ROBO2: variants seen among roughly 807,000 people sequenced by gnomAD.
ROBO2 encodes roundabout guidance receptor 2, also known as roundabout homolog 2.
Under a neutral mutation model 160.8 loss-of-function variants are expected in ROBO2, and 53 were observed. That is an observed-to-expected ratio of 0.33 (90% CI 0.26 to 0.41). The LOEUF (loss-of-function observed/expected upper bound fraction) is 0.41, where lower values mean the gene tolerates loss of function less well. ROBO2 is among the 10% of genes least tolerant of loss of function. The pLI is 1.00. For synonymous variants in ROBO2, 664 were observed against 611.7 expected (o/e 1.09, Z -1.26); for missense variants, 1,577 against 1,722.4 (o/e 0.92, Z 1.49).
In ROBO2 at chr3:76,098,555, TAAATC is replaced by T. The variant is rs199706606; in HGVS notation, c.109+160958_109+160962del. On this transcript the variant is annotated intron_variant, in intron 2 of 26. Coordinates refer to the ROBO2 transcript ENST00000487694. ...GATCATTAGTCTTTCTGATAAAAGATAAATCAAATAAATATGAAAAAATAACAATT... is the reference window on the plus strand; with the variant it reads ...GATCATTAGTCTTTCTGATAAAAGATAAATAAATATGAAAAAATAACAATT... Among the ~76,000 whole-genome samples, 21 of 102,080 alleles carry T rather than the reference TAAATC, an allele frequency of 2.1e-4. No individual in the cohort carries two copies. In the East Asian group the frequency reaches 2.5e-3, roughly 12 times the overall value. 67.0% of individuals were successfully genotyped at this position (102,080 alleles called of 152,430 possible).
intron 2 of ROBO2, among the ~76,000 whole-genome samples, chr3:75,938,678 G>T (rs1309848387): frequency 6.6e-6 from 1 of 152,040 alleles, no homozygotes; most frequent in Non-Finnish European, 1.5e-5. Context: ...TTCAAAAAGA[G>T]CAGTTTTCTT....
chr3:76,748,056 A>G (rs1468827295), intron 2 of ROBO2, among the ~76,000 whole-genome samples: 1 of 152,004 alleles, frequency 6.6e-6, no homozygotes, highest in Non-Finnish European at 1.5e-5. Context: ...TCATCTACAC[A>G]GGTTGCTAAG....
chr3:77,552,131 T>C (rs2092941994), intron 8 of ROBO2, among the ~76,000 whole-genome samples: 1 of 151,962 alleles, frequency 6.6e-6, no homozygotes, highest in African/African-American at 2.4e-5. Flanking sequence ...CATATTTCTT[T>C]AAAAGAATAA....
chr3:76,543,367 C>T (rs533471524), intron 2 of ROBO2, among the ~76,000 whole-genome samples: 2 of 152,218 alleles, frequency 1.3e-5, no homozygotes, highest in East Asian at 3.9e-4. Context: ...AAGGAAGAGA[C>T]ATCCAGTAAC....
intron 2 of ROBO2, among the ~76,000 whole-genome samples, chr3:76,483,366 G>A (rs893267038): frequency 6.7e-6 from 1 of 149,228 alleles, no homozygotes; most frequent in African/African-American, 2.5e-5. Context: ...GTGCAGGTTT[G>A]TTACCTTGGT....
chr3:77,540,407 T>C (rs966271732), intron 6 of ROBO2, among the ~76,000 whole-genome samples: 2 of 152,018 alleles, frequency 1.3e-5, no homozygotes, highest in African/African-American at 4.8e-5. Context: ...TGTTTAAGAG[T>C]TCCTACTGTG....
chr3:76,939,975 C>T (rs928839067), intron 2 of ROBO2, among the ~76,000 whole-genome samples: 10 of 109,712 alleles, frequency 9.1e-5, no homozygotes, highest in Non-Finnish European at 1.6e-4. Context: ...GACAAAGCAA[C>T]AGGATTTTTT....
chr3:76,110,486 T>G (rs1437930459), intron 2 of ROBO2, among the ~76,000 whole-genome samples: 1 of 152,116 alleles, frequency 6.6e-6, no homozygotes, highest in African/African-American at 2.4e-5. Flanking sequence ...GAAGCTTGAA[T>G]AGCAAATTCT....
chr3:76,798,711 G>A (rs2063963598), intron 2 of ROBO2, among the ~76,000 whole-genome samples: 1 of 152,088 alleles, frequency 6.6e-6, no homozygotes, highest in Non-Finnish European at 1.5e-5. Context: ...GGGCAGCAAG[G>A]CAAACCCTGC....
chr3:76,141,779 A>G (rs575369334), intron 2 of ROBO2, among the ~76,000 whole-genome samples: 1 of 151,976 alleles, frequency 6.6e-6, no homozygotes, highest in East Asian at 1.9e-4. Flanking sequence ...TTTTTCCTCA[A>G]ATATGTTAGA....
intron 2 of ROBO2, among the ~76,000 whole-genome samples, chr3:76,550,900 C>T (rs2083374991): frequency 6.6e-6 from 1 of 152,174 alleles, no homozygotes; most frequent in Non-Finnish European, 1.5e-5. Context: ...TTAGTGCAGG[C>T]CTGCAGGCAA....
At chr3:77,172,071 G>A (rs1474757457) in intron 2 of ROBO2, among the ~76,000 whole-genome samples, 1 of 152,132 alleles carries the variant, frequency 6.6e-6, no homozygotes, top group Admixed American at 6.5e-5. Context: ...TTCACAATAA[G>A]TATAGTTTTA....
chr3:76,423,292 A>G (rs1425038759), intron 2 of ROBO2, among the ~76,000 whole-genome samples: 2 of 152,084 alleles, frequency 1.3e-5, no homozygotes, highest in African/African-American at 4.8e-5. Context: ...CAGGTGGAAG[A>G]CCCTTAAGCT....
At chr3:76,979,696 A>AT (rs2059997767) in intron 2 of ROBO2, among the ~76,000 whole-genome samples, 1 of 151,042 alleles carries the variant, frequency 6.6e-6, no homozygotes, top group Non-Finnish European at 1.5e-5. Context: ...GGAATGAATG[A>AT]TAGTTAATTT....
rs528699895 is a variant in ROBO2 at position 77,110,635 on chromosome 3, C to CTA, written c.388+12306_388+12307dup. ...ATACAGTTAAATGTAAGGCATAAGA[C>CTA]TATATATATATAAATATATAAATGT... On this transcript the variant is annotated intron_variant, in intron 2 of 25. Coordinates refer to ENST00000461745, the Ensembl canonical transcript of ROBO2. 7.0e-4 allele frequency among the ~76,000 whole-genome samples: 104 copies of CTA among 147,920 alleles called. 1 individual carries two copies. Among genetic ancestry groups the CTA allele is most frequent in the Middle Eastern group, 3.6e-3 (1 of 280 alleles).
At chr3:76,464,749 A>T (rs1046582082) in intron 2 of ROBO2, among the ~76,000 whole-genome samples, 1 of 152,296 alleles carries the variant, frequency 6.6e-6, no homozygotes, top group South Asian at 2.1e-4. Flanking sequence ...AGTTTTCAAG[A>T]TTAAATGGAT....
intron 2 of ROBO2, among the ~76,000 whole-genome samples, chr3:76,725,631 G>C (rs1431980071): frequency 1.3e-5 from 2 of 152,076 alleles, no homozygotes; most frequent in Admixed American, 6.5e-5. Flanking sequence ...TTTTCTTTCT[G>C]TAAGAACTCT....
chr3:77,317,608 C>T (rs2064138828), intron 2 of ROBO2: 3 of 1,073,582 alleles, frequency 2.8e-6, no homozygotes, highest in Non-Finnish European at 3.9e-6. Context: ...GCACAGCCGT[C>T]TTCTGCTCAA....
At chr3:76,344,649 T>A (rs2074420147) in intron 2 of ROBO2, among the ~76,000 whole-genome samples, 1 of 152,160 alleles carries the variant, frequency 6.6e-6, no homozygotes, top group Non-Finnish European at 1.5e-5. Flanking sequence ...GAGGAACAAA[T>A]GTCTTACAGG....
Sources: allele counts gnomAD v4.1 joint callset (sites outside exome capture counted in the v4.1 genomes callset), GRCh38; gene constraint gnomAD v4.1.1; transcripts MANE v1.5; gene names NCBI Gene and HGNC (gene_info 2026-07-23, HGNC 2026-07-21).